Variants in CLCN4 observed in about 807,000 individuals in gnomAD.
The protein encoded by CLCN4 is H(+)/Cl(-) exchange transporter 4.
Under a neutral mutation model 41.7 loss-of-function variants are expected in CLCN4, and 1 was observed. The ratio of observed to expected loss-of-function variants is 0.02; its 90% confidence interval spans 0.01 to 0.11. The LOEUF (loss-of-function observed/expected upper bound fraction) is 0.11. Ranked by LOEUF, CLCN4 falls within the 10% of genes least tolerant of loss-of-function variation. CLCN4 has a pLI of 1.00. For synonymous variants in CLCN4, 277 were observed against 285.8 expected (o/e 0.97, Z 0.31); for missense variants, 287 against 661.0 (o/e 0.43, Z 6.20).
At position 10,236,947 on chromosome X, in the gene CLCN4, C is replaced by T. The variant is rs1291184162; in HGVS notation, c.*3363C>T. The T allele has an allele frequency of 6.3e-5, 7 of 111,932 alleles. No homozygotes were observed. The highest frequency in any genetic ancestry group is 2.3e-4 in the African/African-American group (7 of 30,728). 9.2% of individuals were successfully genotyped at this position (111,932 alleles called of 1,213,427 possible). A position where few individuals can be genotyped will look rare whatever the true frequency, so the allele number is the denominator to read the frequency against. ...AGTGACATGTGTGTTTCTTCTAAGT[C>T]GTTTTTAGTGCATCCCCTGCGATTG... On this transcript the variant is annotated 3_prime_UTR_variant, in exon 13 of 13. Transcript: ENST00000380833.
chrX:10,196,422 C>G (rs1177651746), intron 5 of CLCN4, among the ~76,000 whole-genome samples: 1 of 111,263 alleles, frequency 9.0e-6, no homozygotes, highest in Non-Finnish European at 1.9e-5. Context: ...CAGAAAGCCA[C>G]GTGAGGAGGA....
chrX:10,230,253 G>C (rs889581982), intron 12 of CLCN4, among the ~76,000 whole-genome samples: 3 of 111,252 alleles, frequency 2.7e-5, no homozygotes, highest in Non-Finnish European at 3.8e-5. Flanking sequence ...TCTTATGTGG[G>C]CCTCTGGCTC....
intron 10 of CLCN4, among the ~76,000 whole-genome samples, chrX:10,212,969 T>C (rs1924605170): frequency 8.9e-6 from 1 of 112,099 alleles, no homozygotes; most frequent in African/African-American, 3.2e-5. Context: ...CCAAACGTTG[T>C]AGCTTAGCTT....
intron 12 of CLCN4, among the ~76,000 whole-genome samples, chrX:10,223,444 C>T: frequency 8.9e-6 from 1 of 111,915 alleles, no homozygotes; most frequent in Non-Finnish European, 1.9e-5. Context: ...TCTCGCTCTA[C>T]ATCTTTTACA....
At chrX:10,187,294 C>T (rs1272038839) in intron 3 of CLCN4, among the ~76,000 whole-genome samples, 5 of 111,904 alleles carry the variant, frequency 4.5e-5, no homozygotes, top group Admixed American at 1.9e-4. Flanking sequence ...TGCTCGAATT[C>T]TTTGGAGACT....
Position 10,209,796 on chromosome X carries a change from T to C in CLCN4, c.1389+1206T>C, listed in dbSNP as rs539429196. Among the ~76,000 whole-genome samples the C allele has an allele frequency of 7.0e-4, 78 of 111,438 alleles. 1 individual carries two copies. In the South Asian group the frequency reaches 0.029, roughly 41 times the overall value. On this transcript the variant is annotated intron_variant, in intron 9 of 12. Coordinates refer to ENST00000380833, the MANE Select transcript of CLCN4 (RefSeq NM_001830.4). Reference sequence around the variant, plus strand: ...TTTAAAAGCCCCTCCTAAAGAACTTTCTTTTATGGAACCTGGGATTTTGTT... The same window carrying C: ...TTTAAAAGCCCCTCCTAAAGAACTTCCTTTTATGGAACCTGGGATTTTGTT...
chrX:10,164,034 G>A (rs1174700727), intron 2 of CLCN4, among the ~76,000 whole-genome samples: 3 of 112,778 alleles, frequency 2.7e-5, no homozygotes, highest in Non-Finnish European at 5.6e-5. Flanking sequence ...CTGCCCTCAC[G>A]GGACTGATTT....
At chrX:10,206,821 G>A (rs748224095) in intron 8 of CLCN4, 45 bp downstream of exon 8, 2 of 936,167 alleles carry the variant, frequency 2.1e-6, no homozygotes, top group Non-Finnish European at 3.0e-6. Context: ...GAGCAGCAAG[G>A]CCCGTTGAGG....
intron 2 of CLCN4, among the ~76,000 whole-genome samples, chrX:10,166,424 G>A (rs373729744): frequency 2.7e-5 from 3 of 111,677 alleles, no homozygotes; most frequent in South Asian, 3.8e-4. Flanking sequence ...ATGAGAGCGC[G>A]ACCCAGGGGC....
At chrX:10,186,355 C>T (rs1056345236) in intron 3 of CLCN4, among the ~76,000 whole-genome samples, 2 of 111,050 alleles carry the variant, frequency 1.8e-5, no homozygotes, top group Non-Finnish European at 3.8e-5. Context: ...AGTCAAATCC[C>T]CAGGCAGTGC....
Position 10,213,803 on chromosome X carries a change from G to C in CLCN4, c.1699G>C (p.Gly567Arg). Residue 567 changes from glycine (G) to arginine (R), a missense_variant, in exon 11 of 13, where the codon GGG becomes CGG. This residue lies in a region of CLCN4 where 10 missense variants were observed against 67.7 expected (regional missense o/e 0.15). Coordinates refer to ENST00000380833, the MANE Select transcript of CLCN4 (RefSeq NM_001830.4). The part of the protein sequence containing the change: ...VTSKWVADAF[G>R]KEGIYEAHIH... ...CAGCAAGTGGGTAGCTGATGCATTTGGGAAAGAAGGCATCTACGAGGCCCA... is the reference window on the plus strand; with the variant it reads ...CAGCAAGTGGGTAGCTGATGCATTTCGGAAAGAAGGCATCTACGAGGCCCA... The C allele has an allele frequency of 8.3e-7, 1 of 1,212,009 alleles. No individual in the cohort carries two copies. Among genetic ancestry groups the C allele is most frequent in the Non-Finnish European group, 1.1e-6 (1 of 895,537 alleles).
intron 12 of CLCN4, among the ~76,000 whole-genome samples, chrX:10,231,730 A>C (rs1317824532): frequency 9.0e-6 from 1 of 111,710 alleles, no homozygotes; most frequent in African/African-American, 3.3e-5. Flanking sequence ...GTTGATGATA[A>C]GCTCCATTGC....
chrX:10,197,790 G>A (rs1429808360), intron 5 of CLCN4, 149 bp from the exon 6 acceptor site: 5 of 584,840 alleles, frequency 8.5e-6, no homozygotes, highest in East Asian at 3.4e-5. Flanking sequence ...ATAAACCTAC[G>A]CTGGCCTTTT....
Position 10,234,395 on chromosome X carries a change from T to C in CLCN4, c.*811T>C, listed in dbSNP as rs1925200175. On this transcript the variant is annotated 3_prime_UTR_variant, in exon 13 of 13. Transcript: ENST00000380833. ...TCATTGATTTGCATCCCCATGGCAT[T>C]TGCTTCATTTATTTATTGCTTTTGC... is the stretch of plus-strand genomic sequence containing the variant. 8.8e-6 allele frequency: 1 copy of C among 113,314 alleles called. No individual in the cohort carries two copies. The highest frequency in any genetic ancestry group is 9.3e-5 in the Admixed American group (1 of 10,715). The allele number at this position is 113,314 out of a possible 1,213,427, so 9.3% of individuals were successfully genotyped here. A position where few individuals can be genotyped will look rare whatever the true frequency, so the allele number is the denominator to read the frequency against.
At chrX:10,206,164 G>A (rs1450876687) in intron 6 of CLCN4, among the ~76,000 whole-genome samples, 194 bp from the exon 7 acceptor site, 1 of 111,879 alleles carries the variant, frequency 8.9e-6, no homozygotes, top group African/African-American at 3.2e-5. Flanking sequence ...GACTCCTTAC[G>A]ATTTACCATG....
chrX:10,234,824 A>G lies in CLCN4; in HGVS notation c.*1240A>G, dbSNP rs750573420. ...TGTATTTGAACTTAACGACACATTT[A>G]CTCTTTTAGTCAGGATTTCGGTCTT... On this transcript the variant is annotated 3_prime_UTR_variant, in exon 13 of 13. Transcript: ENST00000380833. 1 of 111,694 alleles carries G rather than the reference A, an allele frequency of 9.0e-6. No homozygotes were observed. The highest frequency in any genetic ancestry group is 3.7e-4 in the South Asian group (1 of 2,671). 9.2% of individuals were successfully genotyped at this position (111,694 alleles called of 1,213,427 possible).
chrX:10,219,903 C>G (rs754095150), intron 11 of CLCN4, among the ~76,000 whole-genome samples: 1 of 112,217 alleles, frequency 8.9e-6, no homozygotes, highest in African/African-American at 3.2e-5. Flanking sequence ...TTTCTAGCAC[C>G]GCGTTAAGCT....
At chrX:10,185,298 A>G in intron 3 of CLCN4, 122 bp downstream of exon 3, 1 of 708,397 alleles carries the variant, frequency 1.4e-6, no homozygotes, top group Non-Finnish European at 2.0e-6. Flanking sequence ...TAAAGAAGAA[A>G]AGAGCCAGTG....
chrX:10,187,646 G>A, intron 4 of CLCN4, 32 bp downstream of exon 4: 2 of 1,091,453 alleles, frequency 1.8e-6, no homozygotes, highest in East Asian at 3.0e-5. Flanking sequence ...ACTCCCGTGG[G>A]AAGCTGCAGA....
Sources: gnomAD v4.1 joint callset for allele counts (sites outside exome capture counted in the v4.1 genomes callset) on GRCh38, gnomAD v4.1.1 for gene constraint, gnomAD v4.1.1 regional missense constraint, MANE v1.5 for transcripts, NCBI Gene and HGNC (gene_info 2026-07-23, HGNC 2026-07-21) for gene names.